OARD1: variants seen among roughly 807,000 people sequenced by gnomAD.
OARD1 encodes the protein O-acyl-ADP-ribose deacylase 1, also known as ADP-ribose glycohydrolase OARD1.
OARD1 carries 19 observed loss-of-function variants against 19.7 expected under a neutral mutation model. The ratio of observed to expected loss-of-function variants is 0.96; its 90% CI spans 0.67 to 1.41. OARD1 has a LOEUF of 1.41. Among genes scored for constraint, OARD1 ranks in the 40% most tolerant of loss-of-function variants. The probability of loss-of-function intolerance (pLI) is 0.00; values close to 1 mark genes in which losing one functional copy is unlikely to be tolerated. For synonymous variants in OARD1, 70 were observed against 61.8 expected (o/e 1.13, Z -0.62); for missense variants, 190 against 183.8 (o/e 1.03, Z -0.20).
At position 41,089,818 on chromosome 6, in the gene OARD1, C is replaced by T. The variant is rs930938546; in HGVS notation, c.-42+7895G>A. On this transcript the variant is annotated intron_variant, in intron 1 of 4. Coordinates refer to the OARD1 transcript ENST00000480585. ...TGTATAGTAGAAAAGGGGATGAAAA[C>T]CATAAAAAAATATATTTTTGGCCGG... 4.8e-6 allele frequency: 7 copies of T among 1,451,956 alleles called. No homozygotes were observed. The African/African-American group carries it at 1.0e-4, about 21-fold the overall frequency. 89.9% of individuals were successfully genotyped at this position (1,451,956 alleles called of 1,614,324 possible). A position where few individuals can be genotyped will look rare whatever the true frequency, so the allele number is the denominator to read the frequency against.
intron 1 of OARD1, chr6:41,089,575 G>C: frequency 6.2e-7 from 1 of 1,603,136 alleles, no homozygotes; most frequent in Non-Finnish European, 8.5e-7. Context: ...GTTCTTTTCT[G>C]CAGATACAGT....
intron 1 of OARD1, among the ~76,000 whole-genome samples, chr6:41,095,701 G>T (rs904875561): frequency 6.6e-6 from 1 of 152,218 alleles, no homozygotes; most frequent in African/African-American, 2.4e-5. Flanking sequence ...AAAGTGCTAG[G>T]ATTACAGGCG....
chr6:41,067,287 G>T lies in OARD1; in HGVS notation c.*48C>A. The T allele has an allele frequency of 7.9e-7, 1 of 1,268,606 alleles. No homozygotes were observed. Among genetic ancestry groups the T allele is most frequent in the Non-Finnish European group, 1.1e-6 (1 of 870,728 alleles). 78.6% of individuals were successfully genotyped at this position (1,268,606 alleles called of 1,614,324 possible). On this transcript the variant is annotated 3_prime_UTR_variant, in exon 6 of 6. Transcript: ENST00000424266. ...TAGGTTTGCCCGGTCCTATGGCCCAGTAGAGATGACACAGGAGAACACGGA... is the reference window on the plus strand; with the variant it reads ...TAGGTTTGCCCGGTCCTATGGCCCATTAGAGATGACACAGGAGAACACGGA...
At position 41,067,380 on chromosome 6, in the gene OARD1, C is replaced by G; in HGVS notation, c.414G>C (p.Glu138Asp). ...QWENVSAMIE[E>D]VFEATDIKIT... ...TTTTGATGTCTGTTGCCTCAAATAC[C>G]TCCTCGATCATCGCAGATACATTTT... Residue 138 changes from glutamate (E) to aspartate (D), a missense_variant, in exon 6 of 6, where the codon GAG (glutamate) becomes GAC (aspartate). Glu to Asp is a conservative substitution (Grantham distance 45). Coordinates refer to ENST00000424266, the MANE Select transcript of OARD1 (RefSeq NM_001329686.2). The G allele has an allele frequency of 6.2e-7, 1 of 1,613,768 alleles. No homozygotes were observed. Among genetic ancestry groups the G allele is most frequent in the Non-Finnish European group, 8.5e-7 (1 of 1,179,678 alleles).
chr6:41,084,100 A>G, intron 1 of OARD1: 2 of 1,614,106 alleles, frequency 1.2e-6, no homozygotes, highest in Non-Finnish European at 1.7e-6. Flanking sequence ...AATCACATCA[A>G]CTGGCCAACC....
chr6:41,082,661 A>C (rs910775417), intron 1 of OARD1, among the ~76,000 whole-genome samples: 1 of 152,152 alleles, frequency 6.6e-6, no homozygotes, highest in African/African-American at 2.4e-5. Context: ...TCCTCTAGGG[A>C]TCTGATTATT....
chr6:41,067,474 AAGT>A, intron 5 of OARD1, 37 bp from the exon 6 acceptor site: 1 of 1,399,834 alleles, frequency 7.1e-7, no homozygotes, highest in Non-Finnish European at 1.0e-6. Flanking sequence ...ATGGTAACGA[AAGT>A]ATCTAGGAAA....
chr6:41,086,866 A>G (rs1014184168), intron 1 of OARD1, among the ~76,000 whole-genome samples: 5 of 152,206 alleles, frequency 3.3e-5, no homozygotes, highest in African/African-American at 1.2e-4. Flanking sequence ...AATATTTGCT[A>G]GGTGGATTAA....
chr6:41,069,314 A>T (rs1182182403), intron 4 of OARD1: 1 of 159,236 alleles, frequency 6.3e-6, no homozygotes, highest in African/African-American at 2.4e-5. Context: ...AAAGCATACC[A>T]CCTGAAAATT....
At chr6:41,087,693 C>T (rs1328758927) in intron 1 of OARD1, among the ~76,000 whole-genome samples, 1 of 151,994 alleles carries the variant, frequency 6.6e-6, no homozygotes, top group Non-Finnish European at 1.5e-5. Context: ...TGGGGCTCTC[C>T]TCACTGCTTT....
At chr6:41,073,562 GC>G (rs1212382008), upstream of OARD1, among the ~76,000 whole-genome samples, 1 of 151,938 alleles carries the variant, frequency 6.6e-6, no homozygotes, top group East Asian at 1.9e-4. Context: ...CGGGGCCCGC[GC>G]CCCCCGCTCC....
chr6:41,086,538 G>T (rs1407464898), intron 1 of OARD1, among the ~76,000 whole-genome samples: 1 of 151,986 alleles, frequency 6.6e-6, no homozygotes, highest in Non-Finnish European at 1.5e-5. Context: ...TTTCTCATTA[G>T]TGTTGAGTAG....
chr6:41,069,004 A>C, intron 4 of OARD1, 51 bp from the exon 5 acceptor site: 1 of 975,830 alleles, frequency 1.0e-6, no homozygotes, highest in East Asian at 2.5e-5. Flanking sequence ...TAGCCAAAGA[A>C]AAGTCATCAC....
intron 1 of OARD1, among the ~76,000 whole-genome samples, chr6:41,085,008 ACT>A (rs1764005772): frequency 6.6e-6 from 1 of 152,170 alleles, no homozygotes; most frequent in African/African-American, 2.4e-5. Flanking sequence ...GTTACATACA[ACT>A]CTGTGGCATC....
intron 1 of OARD1, chr6:41,090,141 T>C: frequency 8.9e-7 from 1 of 1,121,290 alleles, no homozygotes; most frequent in South Asian, 1.3e-5. Context: ...TTTTAAGGAC[T>C]ACATCGTTCT....
At position 41,067,179 on chromosome 6, in the gene OARD1, TC is replaced by T. The variant is rs1473936456; in HGVS notation, c.*155del. 2.1e-6 allele frequency: 1 copy of T among 484,602 alleles called. No individual in the cohort carries two copies. The highest frequency in any genetic ancestry group is 3.4e-5 in the Admixed American group (1 of 29,260). The allele number at this position is 484,602 out of a possible 1,614,324, so 30.0% of individuals were successfully genotyped here. The stretch of plus-strand genomic sequence containing the variant: ...AGCAAGCCCTCCTCCACAGTCATAA[TC>T]CAAATACTTGAATACAGCAACCAAA... On this transcript the variant is annotated 3_prime_UTR_variant, in exon 6 of 6. Coordinates refer to ENST00000424266, the MANE Select transcript of OARD1 (RefSeq NM_001329686.2).
At chr6:41,094,345 T>C in intron 1 of OARD1, 1 of 1,498,974 alleles carries the variant, frequency 6.7e-7, no homozygotes, top group Non-Finnish European at 9.3e-7. Flanking sequence ...TAGATAACTG[T>C]GCTGGTTCTG....
intron 1 of OARD1, among the ~76,000 whole-genome samples, chr6:41,093,390 A>G (rs1193989169): frequency 6.6e-6 from 1 of 151,984 alleles, no homozygotes; most frequent in East Asian, 1.9e-4. Context: ...CTGCTTTAAT[A>G]TTGCTAGTGT....
At chr6:41,080,827 C>A (rs1422605378) in intron 1 of OARD1, 1 of 1,613,960 alleles carries the variant, frequency 6.2e-7, no homozygotes, top group South Asian at 1.1e-5. Flanking sequence ...GGTGGTGTCA[C>A]TGCTGTGCAG....
Sources: gnomAD v4.1 joint callset for allele counts (sites outside exome capture counted in the v4.1 genomes callset) on GRCh38, gnomAD v4.1.1 for gene constraint, MANE v1.5 for transcripts, NCBI Gene and HGNC (gene_info 2026-07-23, HGNC 2026-07-21) for gene names.